KCNJ6: variants seen among roughly 807,000 people sequenced by gnomAD.
KCNJ6 encodes the protein G protein-activated inward rectifier potassium channel 2.
KCNJ6 carries 9 observed loss-of-function variants against 34.2 expected under a neutral mutation model. The ratio of observed to expected loss-of-function variants is 0.26; its 90% CI spans 0.16 to 0.46. The LOEUF is 0.46. Among genes scored for constraint, KCNJ6 ranks in the 20% least tolerant of loss-of-function variants. The pLI is 1.00. For synonymous variants in KCNJ6, 196 were observed against 207.1 expected, an observed-to-expected ratio of 0.95 and a Z score of 0.46; for missense variants, 236 against 531.3, an observed-to-expected ratio of 0.44 and a Z score of 5.46.
intron 1 of KCNJ6, among the ~76,000 whole-genome samples, chr21:37,873,851 TC>T (rs1209743388): frequency 6.6e-6 from 1 of 151,974 alleles, no homozygotes; most frequent in Non-Finnish European, 1.5e-5. Flanking sequence ...CTTTTATCCC[TC>T]CCTTTTGCCC....
chr21:37,902,635 T>C (rs2055822305), intron 1 of KCNJ6, among the ~76,000 whole-genome samples: 1 of 152,204 alleles, frequency 6.6e-6, no homozygotes, highest in African/African-American at 2.4e-5. Flanking sequence ...CAATAATGTG[T>C]AGTCTGACCC....
intron 2 of KCNJ6, among the ~76,000 whole-genome samples, chr21:37,823,950 G>C (rs12626893): frequency 3.1e-5 from 1 of 32,314 alleles, no homozygotes; most frequent in Admixed American, 4.1e-4. Flanking sequence ...GAAATTGCTA[G>C]ATCTTAAATA....
At chr21:37,828,378 C>T (rs1031796801) in intron 2 of KCNJ6, among the ~76,000 whole-genome samples, 6 of 152,298 alleles carry the variant, frequency 3.9e-5, no homozygotes, top group African/African-American at 1.4e-4. Context: ...TTCCCCGCAG[C>T]ACTGGAAGCC....
chr21:37,865,394 A>C (rs144327339), intron 1 of KCNJ6, among the ~76,000 whole-genome samples: 8 of 152,298 alleles, frequency 5.3e-5, no homozygotes, highest in African/African-American at 1.9e-4. Context: ...GTGTCCCATC[A>C]TGTCCACCCC....
At chr21:37,694,497 C>T (rs2054655174) in intron 3 of KCNJ6, among the ~76,000 whole-genome samples, 1 of 152,192 alleles carries the variant, frequency 6.6e-6, no homozygotes, top group Admixed American at 6.5e-5. Context: ...AGATAAAGCA[C>T]CATTGATCAA....
At chr21:37,629,698 A>C (rs1002291766) in intron 3 of KCNJ6, among the ~76,000 whole-genome samples, 1 of 152,148 alleles carries the variant, frequency 6.6e-6, no homozygotes, top group African/African-American at 2.4e-5. Flanking sequence ...CTTGTGAGAA[A>C]ATAAATTTCT....
At chr21:37,898,015 C>T (rs2055797566) in intron 1 of KCNJ6, among the ~76,000 whole-genome samples, 1 of 152,218 alleles carries the variant, frequency 6.6e-6, no homozygotes, top group Admixed American at 6.5e-5. Flanking sequence ...GAACCTTGGA[C>T]ATTGGGCTGT....
chr21:37,855,784 A>G (rs1025705687), intron 1 of KCNJ6, among the ~76,000 whole-genome samples: 1 of 152,208 alleles, frequency 6.6e-6, no homozygotes, highest in African/African-American at 2.4e-5. Context: ...CCAAAACCAC[A>G]TATTCACAAT....
chr21:37,879,714 A>AGT (rs56736533), intron 1 of KCNJ6, among the ~76,000 whole-genome samples: 6,507 of 143,236 alleles, frequency 0.045, 155 homozygotes, highest in African/African-American at 0.062. Context: ...CTTGAAATGA[A>AGT]GTGTGTGTGT....
chr21:37,826,616 A>G (rs1345430700), intron 2 of KCNJ6, among the ~76,000 whole-genome samples: 1 of 152,170 alleles, frequency 6.6e-6, no homozygotes, highest in African/African-American at 2.4e-5. Context: ...TTTATTAAAA[A>G]AAAAAACAGA....
intron 3 of KCNJ6, among the ~76,000 whole-genome samples, chr21:37,642,432 C>G (rs1378619490): frequency 2.6e-5 from 4 of 152,054 alleles, no homozygotes; most frequent in African/African-American, 7.2e-5. Context: ...TTAACGCTGT[C>G]AGAAAATGCT....
At chr21:37,740,300 C>T (rs892815287) in intron 2 of KCNJ6, among the ~76,000 whole-genome samples, 2 of 152,106 alleles carry the variant, frequency 1.3e-5, no homozygotes, top group East Asian at 1.9e-4. Context: ...AACACAGACC[C>T]GAAGTCTGAT....
chr21:37,791,493 A>G (rs565850035), intron 2 of KCNJ6, among the ~76,000 whole-genome samples: 1 of 152,366 alleles, frequency 6.6e-6, no homozygotes, highest in East Asian at 1.9e-4. Context: ...GAAAGGTTTC[A>G]AGAGCCCCTT....
At chr21:37,636,261 C>G (rs1490039394) in intron 3 of KCNJ6, among the ~76,000 whole-genome samples, 1 of 152,344 alleles carries the variant, frequency 6.6e-6, no homozygotes, top group East Asian at 1.9e-4. Context: ...AACACCCTCA[C>G]AGACACACCC....
intron 1 of KCNJ6, among the ~76,000 whole-genome samples, chr21:37,871,919 G>C (rs2055654435): frequency 6.6e-6 from 1 of 152,190 alleles, no homozygotes; most frequent in African/African-American, 2.4e-5. Flanking sequence ...GATGGGTTTA[G>C]AATAAATAAC....
chr21:37,676,931 C>G (rs1310559007), intron 3 of KCNJ6, among the ~76,000 whole-genome samples: 1 of 152,192 alleles, frequency 6.6e-6, no homozygotes, highest in Non-Finnish European at 1.5e-5. Flanking sequence ...CTCTATGTCC[C>G]CTTCCCCACC....
intron 3 of KCNJ6, among the ~76,000 whole-genome samples, chr21:37,710,038 T>C (rs1324989517): frequency 6.6e-6 from 1 of 151,408 alleles, no homozygotes; most frequent in Non-Finnish European, 1.5e-5. Flanking sequence ...TTTCAGAAGT[T>C]ATCTTCTTTA....
At position 37,695,005 on chromosome 21, in the gene KCNJ6, T is replaced by C. The variant is rs758304556; in HGVS notation, c.946+19206A>G. 6.6e-6 allele frequency among the ~76,000 whole-genome samples: 1 copy of C among 152,208 alleles called. No individual in the cohort carries two copies. The highest frequency in any genetic ancestry group is 2.4e-5 in the African/African-American group (1 of 41,448). The stretch of plus-strand genomic sequence containing the variant: ...AGACTGTTAGTAAATAAATATCTGT[T>C]GTTTAAGCTGCCTAGCCTATGATAT... On this transcript the variant is annotated intron_variant, in intron 3 of 3. Coordinates refer to ENST00000609713, the MANE Select transcript of KCNJ6 (RefSeq NM_002240.5). The surrounding 1 kb of genome is among the most constrained non-coding windows in gnomAD (Gnocchi z 4.2).
At chr21:37,844,660 C>T (rs2055497672) in intron 1 of KCNJ6, among the ~76,000 whole-genome samples, 1 of 152,104 alleles carries the variant, frequency 6.6e-6, no homozygotes, top group Admixed American at 6.5e-5. Context: ...CTTGCCTTGG[C>T]AAGCACTATT....
Sources: gnomAD v4.1 joint callset for allele counts (sites outside exome capture counted in the v4.1 genomes callset) on GRCh38, gnomAD v4.1.1 for gene constraint, Gnocchi (gnomAD v3.1) non-coding constraint, MANE v1.5 for transcripts, NCBI Gene and HGNC (gene_info 2026-07-23, HGNC 2026-07-21) for gene names.